SNX17: variants seen among roughly 807,000 people sequenced by gnomAD.
The protein encoded by SNX17 is sorting nexin 17, also known as sorting nexin-17.
In SNX17, 35 loss-of-function variants were observed where a neutral mutation model predicts 64.3. The observed-to-expected ratio is 0.54, with a 90% CI of 0.42 to 0.72. The LOEUF (loss-of-function observed/expected upper bound fraction) is 0.72. Ranked by LOEUF, SNX17 falls within the 30% of genes least tolerant of loss-of-function variation. The pLI, the probability that SNX17 is intolerant of heterozygous loss-of-function variation, is 0.00. For synonymous variants in SNX17, 259 were observed against 230.2 expected, an observed-to-expected ratio of 1.13 and a Z score of -1.13; for missense variants, 538 against 610.0, an observed-to-expected ratio of 0.88 and a Z score of 1.24.
At chr2:27,376,290 C>G (rs761688219) in intron 12 of SNX17, 23 bp from the exon 13 acceptor site, 7 of 1,611,252 alleles carry the variant, frequency 4.3e-6, no homozygotes, top group Non-Finnish European at 5.9e-6. Context: ...CTGCCCTCAC[C>G]GGCACCTTGT....
In SNX17 at chr2:27,375,899, G is replaced by T. The variant is rs773838061; in HGVS notation, c.1032G>T (p.Val344=). ...GCCCAGGCCGGGGCCGGGGTGAGGT[G>T]CGCCTGGAACTGGCTTTTGAATACC... ...TSSPGRGRGE[V]RLELAFEYLM... is the part of the protein sequence containing the mutation. The change falls in exon 11 of 15, where the codon GTG becomes GTT. Residue 344 remains valine, a synonymous_variant. Transcript: ENST00000233575. The surrounding 1 kb of genome is among the most constrained non-coding windows in gnomAD (Gnocchi z 4.1). The T allele has an allele frequency of 1.2e-6, 2 of 1,614,080 alleles. No homozygotes were observed. The highest frequency in any genetic ancestry group is 2.7e-5 in the African/African-American group (2 of 74,936).
rs369975669 is a variant in SNX17 at position 27,373,948 on chromosome 2, G to T, written c.409G>T (p.Asp137Tyr). The T allele has an allele frequency of 6.2e-7, 1 of 1,614,192 alleles. No individual in the cohort carries two copies. The highest frequency in any genetic ancestry group is 8.5e-7 in the Non-Finnish European group (1 of 1,180,020). ...AGTTCTGGTCAACGTGCTAACTTCA[G>T]ATCAGACTGAGGATGTCCTGGAGGT... ...QKVLVNVLTSDQTEDVLEAVA... is the reference protein window; with the variant it reads ...QKVLVNVLTSYQTEDVLEAVA... The change falls in exon 5 of 15, where the codon GAT becomes TAT. Residue 137 changes from aspartate (D) to tyrosine (Y), a missense_variant. Transcript: ENST00000233575.
rs1558303647 is a variant in SNX17, at chr2:27,373,905, G to A, written c.366G>A (p.Leu122=). The A allele has an allele frequency of 6.2e-7, 1 of 1,614,112 alleles. No homozygotes were observed. The highest frequency in any genetic ancestry group is 8.5e-7 in the Non-Finnish European group (1 of 1,180,034). The change falls in exon 5 of 15, where the codon CTG becomes CTA. Residue 122 remains leucine (L), a synonymous_variant. Coordinates refer to ENST00000233575, the MANE Select transcript of SNX17 (RefSeq NM_014748.4). Reference sequence around the variant, plus strand: ...CAGAGGAAGTGTCCTTGGAAGTGCTGCTCAGCAACGGGCAGAAAGTTCTGG... The same window carrying A: ...CAGAGGAAGTGTCCTTGGAAGTGCTACTCAGCAACGGGCAGAAAGTTCTGG... ...VPTEEVSLEV[L]LSNGQKVLVN... is the part of the protein sequence containing the mutation.
chr2:27,372,789 G>T (rs1682768483), intron 3 of SNX17, 49 bp downstream of exon 3: 20 of 1,610,040 alleles, frequency 1.2e-5, no homozygotes, highest in Non-Finnish European at 1.5e-5. Flanking sequence ...ACTATGGGGA[G>T]AGACTTAAAA....
At position 27,375,372 on chromosome 2, in the gene SNX17, T is replaced by C; in HGVS notation, c.775-134T>C. 3.1e-6 allele frequency: 3 copies of C among 959,132 alleles called. No homozygotes were observed. The highest frequency in any genetic ancestry group is 4.8e-6 in the Non-Finnish European group (3 of 629,462). 59.4% of individuals were successfully genotyped at this position (959,132 alleles called of 1,614,324 possible). On this transcript the variant is annotated intron_variant, in intron 9 of 14. Coordinates refer to ENST00000233575, the MANE Select transcript of SNX17 (RefSeq NM_014748.4). The surrounding 1 kb of genome is among the most constrained non-coding windows in gnomAD (Gnocchi z 4.1). The stretch of plus-strand genomic sequence containing the variant: ...CCAGGATGGTCTTGAGCTCCTGACC[T>C]TGTGATCTGTCTGCCTCTGCCTCCT...
rs772195695 is a variant in SNX17, at chr2:27,370,683, G to A, written c.-61G>A. On this transcript the variant is annotated 5_prime_UTR_variant, in exon 1 of 15. Transcript: ENST00000233575. Reference sequence around the variant, plus strand: ...GGACTCGCTGAGCAGCGGAGGGGGAGCGTGCAGAGCCGCTGCGGCCCTCAC... The same window carrying A: ...GGACTCGCTGAGCAGCGGAGGGGGAACGTGCAGAGCCGCTGCGGCCCTCAC... 4 of 1,497,350 alleles carry A rather than the reference G, an allele frequency of 2.7e-6. No individual in the cohort carries two copies. The South Asian group carries it at 5.1e-5, about 19-fold the overall frequency. The allele number at this position is 1,497,350 out of a possible 1,614,324, so 92.8% of individuals were successfully genotyped here. A position where few individuals can be genotyped will look rare whatever the true frequency, so the allele number is the denominator to read the frequency against.
In SNX17 at chr2:27,373,057, A is replaced by C. The variant is rs747779751; in HGVS notation, c.257-190A>C. 60 of 1,549,728 alleles carry C rather than the reference A, an allele frequency of 3.9e-5. No homozygotes were observed. In the African/African-American group the frequency reaches 7.8e-4, roughly 20 times the overall value. ...TTCCCTAGTTCTATAGACTGGACTC[A>C]CCTAGATGGCAGCCAAGGGTGGGGC... On this transcript the variant is annotated intron_variant, in intron 3 of 14. Transcript: ENST00000233575.
chr2:27,374,926 C>T, intron 8 of SNX17, 135 bp from the exon 9 acceptor site: 2 of 959,520 alleles, frequency 2.1e-6, no homozygotes, highest in Non-Finnish European at 3.2e-6. Flanking sequence ...ATTAAGCTGA[C>T]AAGATCAAGG....
At position 27,376,170 on chromosome 2, in the gene SNX17, G is replaced by A; in HGVS notation, c.1169G>A (p.Gly390Asp). 1 of 1,614,130 alleles carries A rather than the reference G, an allele frequency of 6.2e-7. No homozygotes were observed. Among genetic ancestry groups the A allele is most frequent in the South Asian group, 1.1e-5 (1 of 91,090 alleles). Reference protein sequence around the residue: ...VDELMVKKSGGSIRKMLRRRV... With the variant: ...VDELMVKKSGDSIRKMLRRRV... ...GAACTGATGGTGAAGAAATCTGGCG[G>A]CAGTATCAGGAAGGTAGGCAGCAAG... The change falls in exon 12 of 15, where the codon GGC (glycine) becomes GAC (aspartate). Residue 390 changes from glycine (G) to aspartate (D), a missense_variant. Gly to Asp is a moderately conservative substitution (Grantham distance 94). Around this residue, in one of 3 missense-constraint regions of SNX17, gnomAD observed 505 missense variants for 550.4 expected, o/e 0.92. Coordinates refer to ENST00000233575, the MANE Select transcript of SNX17 (RefSeq NM_014748.4).
At chr2:27,371,992 C>G (rs1386526929) in intron 2 of SNX17, among the ~76,000 whole-genome samples, 1 of 152,212 alleles carries the variant, frequency 6.6e-6, no homozygotes, top group African/African-American at 2.4e-5. Context: ...TCAAGCGATT[C>G]TCCTTCCTCA....
chr2:27,376,683 T>C lies in SNX17; in HGVS notation c.1377T>C (p.Asn459=). The change falls in exon 15 of 15, where the codon AAT becomes AAC. Residue 459 remains asparagine (N), a synonymous_variant. Transcript: ENST00000233575. The part of the protein sequence containing the change: ...TDASASDVHG[N]FAFEGIGDED... Reference sequence around the variant, plus strand: ...CCAGTGCCAGTGATGTCCACGGCAATTTCGCCTTCGAGGGCATTGGAGATG... The same window carrying C: ...CCAGTGCCAGTGATGTCCACGGCAACTTCGCCTTCGAGGGCATTGGAGATG... 1 of 1,614,188 alleles carries C rather than the reference T, an allele frequency of 6.2e-7. No homozygotes were observed.
Position 27,376,732 on chromosome 2 carries a change from G to A in SNX17, c.*13G>A. On this transcript the variant is annotated 3_prime_UTR_variant, in exon 15 of 15. Transcript: ENST00000233575. ...TGAGGATCTGTAATCTCCACTGCTT[G>A]GATGTCTGCCCTCTACCCCAGAGGA... 6.2e-7 allele frequency: 1 copy of A among 1,604,668 alleles called. No individual in the cohort carries two copies. The highest frequency in any genetic ancestry group is 2.2e-5 in the East Asian group (1 of 44,844).
At position 27,377,364 on chromosome 2, in the gene SNX17, C is replaced by T; in HGVS notation, c.*645C>T. On this transcript the variant is annotated 3_prime_UTR_variant, in exon 15 of 15. Transcript: ENST00000233575. The surrounding 1 kb of genome is among the most constrained non-coding windows in gnomAD (Gnocchi z 4.4). ...GGAGGTGAATACAGGGCCCTTCTCA[C>T]TGAGCTCGTGAAGTGCCTCAGTCAA... 1.4e-6 allele frequency: 1 copy of T among 733,668 alleles called. No homozygotes were observed. Among genetic ancestry groups the T allele is most frequent in the Non-Finnish European group, 2.4e-6 (1 of 413,878 alleles). 45.4% of individuals were successfully genotyped at this position (733,668 alleles called of 1,614,324 possible). A position where few individuals can be genotyped will look rare whatever the true frequency, so the allele number is the denominator to read the frequency against.
At position 27,373,802 on chromosome 2, in the gene SNX17, G is replaced by T; in HGVS notation, c.322-59G>T. ...ACAAGGGACCTAGAAATAGAGTTGGGCATAGGTCAAGGCAAGGGACAAGGC... is the reference window on the plus strand; with the variant it reads ...ACAAGGGACCTAGAAATAGAGTTGGTCATAGGTCAAGGCAAGGGACAAGGC... On this transcript the variant is annotated intron_variant, in intron 4 of 14. Coordinates refer to ENST00000233575, the MANE Select transcript of SNX17 (RefSeq NM_014748.4). The T allele has an allele frequency of 3.2e-6, 4 of 1,235,748 alleles. No individual in the cohort carries two copies. The South Asian group carries it at 4.9e-5, about 15-fold the overall frequency. The allele number at this position is 1,235,748 out of a possible 1,614,324, so 76.5% of individuals were successfully genotyped here.
chr2:27,376,286 T>C (rs760889860), intron 12 of SNX17, 27 bp from the exon 13 acceptor site: 1 of 1,611,732 alleles, frequency 6.2e-7, no homozygotes, highest in Non-Finnish European at 8.5e-7. Flanking sequence ...GATCCTGCCC[T>C]CACCGGCACC....
Position 27,376,803 on chromosome 2 carries a change from G to A in SNX17, c.*84G>A, listed in dbSNP as rs140813510. ...TGCCTGTGTCCCCCATGCTAGGGGC[G>A]GAGGGGTCTTTTCCTTCTTCTTTCC... On this transcript the variant is annotated 3_prime_UTR_variant, in exon 15 of 15. Transcript: ENST00000233575. 2.3e-3 allele frequency: 2,724 copies of A among 1,160,690 alleles called. 53 individuals carry two copies. The African/African-American group carries it at 0.038, about 16-fold the overall frequency. 71.9% of individuals were successfully genotyped at this position (1,160,690 alleles called of 1,614,324 possible).
rs962394772 is a variant in SNX17, at chr2:27,377,385, G to C, written c.*666G>C. On this transcript the variant is annotated 3_prime_UTR_variant, in exon 15 of 15. Transcript: ENST00000233575. The surrounding 1 kb of genome is among the most constrained non-coding windows in gnomAD (Gnocchi z 4.4). ...CTCACTGAGCTCGTGAAGTGCCTCA[G>C]TCAAGGCAAGGTCCCCTGGTCCATA... The C allele has an allele frequency of 1.3e-6, 1 of 797,170 alleles. No homozygotes were observed. Among genetic ancestry groups the C allele is most frequent in the Non-Finnish European group, 2.1e-6 (1 of 471,586 alleles). The allele number at this position is 797,170 out of a possible 1,614,324, so 49.4% of individuals were successfully genotyped here.
rs768749036 is a variant in SNX17, at chr2:27,374,222, G to C, written c.523+47G>C. 5 of 1,591,292 alleles carry C rather than the reference G, an allele frequency of 3.1e-6. No individual in the cohort carries two copies. The South Asian group carries it at 5.5e-5, about 18-fold the overall frequency. Reference sequence around the variant, plus strand: ...TGCAGTACAAGGGTACTTCAGTAGAGTTTGCAGCCCCCCTAACTCCCCACC... The same window carrying C: ...TGCAGTACAAGGGTACTTCAGTAGACTTTGCAGCCCCCCTAACTCCCCACC... On this transcript the variant is annotated intron_variant, in intron 6 of 14. Coordinates refer to ENST00000233575, the MANE Select transcript of SNX17 (RefSeq NM_014748.4).
chr2:27,375,656 C>T lies in SNX17; in HGVS notation c.925C>T (p.Arg309Ter), dbSNP rs777906560. 8 of 1,614,052 alleles carry T rather than the reference C, an allele frequency of 5.0e-6. No homozygotes were observed. Among genetic ancestry groups the T allele is most frequent in the Non-Finnish European group, 6.8e-6 (8 of 1,180,052 alleles). ...LQLRLPGQQLREGSFRVTRMR... is the reference protein window; with the variant it reads ...LQLRLPGQQL ...GCTCCGCCTGCCTGGCCAGCAACTC[C>T]GAGAAGGCTCCTTCCGGGTCACCCG... The change falls in exon 10 of 15, where the codon CGA (arginine) becomes TGA (stop). Residue 309 changes from arginine to a stop codon, truncating the protein, a stop_gained. Transcript: ENST00000233575. LOFTEE classifies it high-confidence loss of function. The surrounding 1 kb of genome is among the most constrained non-coding windows in gnomAD (Gnocchi z 4.1).
Sources: allele counts gnomAD v4.1 joint callset (sites outside exome capture counted in the v4.1 genomes callset), GRCh38; gene constraint gnomAD v4.1.1; regional missense constraint gnomAD v4.1.1; non-coding constraint Gnocchi (gnomAD v3.1); transcripts MANE v1.5; gene names NCBI Gene and HGNC (gene_info 2026-07-23, HGNC 2026-07-21).